HDAC9: variants seen among roughly 807,000 people sequenced by gnomAD.
The protein encoded by HDAC9 is histone deacetylase 9, also known as MEF-2 interacting transcription repressor (MITR) protein.
A neutral mutation model predicts 139.4 loss-of-function variants in HDAC9; 41 were observed. The observed-to-expected ratio is 0.29, with a 90% CI of 0.23 to 0.38. The LOEUF (loss-of-function observed/expected upper bound fraction) is 0.38, where lower values mean the gene tolerates loss of function less well. Ranked by LOEUF, HDAC9 falls within the 10% of genes least tolerant of loss-of-function variation. The pLI, the probability that HDAC9 is intolerant of heterozygous loss-of-function variation, is 1.00. For missense variants in HDAC9, 1,147 were observed against 1,297.0 expected, an observed-to-expected ratio of 0.88 and a Z score of 1.78; for synonymous variants, 517 against 476.2, an observed-to-expected ratio of 1.09 and a Z score of -1.12.
In HDAC9 at chr7:19,002,083, T is replaced by C. The variant is rs2129358781; in HGVS notation, c.*6021T>C. The C allele has an allele frequency of 6.6e-6, 1 of 152,264 alleles. No homozygotes were observed. Among genetic ancestry groups the C allele is most frequent in the Middle Eastern group, 3.4e-3 (1 of 294 alleles). The allele number at this position is 152,264 out of a possible 1,614,324, so 9.4% of individuals were successfully genotyped here. ...TTTTTTGGCTAGCATCACCAAGATC[T>C]GTCATCCAGAGCTGCTGAGAAAAAT... On this transcript the variant is annotated 3_prime_UTR_variant, in exon 26 of 26. Coordinates refer to ENST00000686413, the MANE Select transcript of HDAC9 (RefSeq NM_178425.4).
intron 2 of HDAC9, among the ~76,000 whole-genome samples, chr7:18,504,855 G>A (rs535951879): frequency 1.3e-4 from 20 of 152,282 alleles, no homozygotes; most frequent in South Asian, 1.0e-3. Context: ...TGGCAGGGTC[G>A]TGTTTAAATG....
intron 3 of HDAC9, among the ~76,000 whole-genome samples, chr7:18,589,775 A>G (rs936789768): frequency 2.0e-5 from 3 of 152,338 alleles, no homozygotes; most frequent in South Asian, 2.1e-4. Flanking sequence ...TATATTCTAC[A>G]TATTATGAAT....
rs536226416 is a variant in HDAC9 at position 18,647,345 on chromosome 7, CTT to C, written c.1036-439_1036-438del. On this transcript the variant is annotated intron_variant, in intron 9 of 25. Transcript: ENST00000686413. ...GACATATGTATACATCGTAGAGTGA[CTT>C]AAGCTAATTAACATATGCATTGTCT... Among the ~76,000 whole-genome samples, 20 of 152,180 alleles carry C rather than the reference CTT, an allele frequency of 1.3e-4. No homozygotes were observed. The East Asian group carries it at 3.5e-3, about 26-fold the overall frequency.
At position 18,666,288 on chromosome 7, in the gene HDAC9, G is replaced by T; in HGVS notation, c.1543G>T (p.Asp515Tyr). Residue 515 changes from aspartate to tyrosine, a missense_variant, in exon 12 of 26, where the codon GAC becomes TAC. By Grantham distance (160) the Asp-to-Tyr change is radical. Coordinates refer to ENST00000686413, the MANE Select transcript of HDAC9 (RefSeq NM_178425.4). ...LEEAEEELQG[D>Y]QAMQEDRAPS... ...GGAAGCAGAGGAAGAGCTTCAGGGG[G>T]ACCAGGCGATGCAGGAAGACAGAGC... 1.9e-6 allele frequency: 3 copies of T among 1,613,464 alleles called. No homozygotes were observed. Among genetic ancestry groups the T allele is most frequent in the African/African-American group, 2.7e-5 (2 of 74,986 alleles).
At chr7:18,868,350 T>C (rs1305000493) in intron 21 of HDAC9, among the ~76,000 whole-genome samples, 1 of 152,220 alleles carries the variant, frequency 6.6e-6, no homozygotes, top group Non-Finnish European at 1.5e-5. Flanking sequence ...AGTCCCAGTA[T>C]CTACATTAGA....
At chr7:18,439,809 ATC>A (rs540270051) in intron 1 of HDAC9, among the ~76,000 whole-genome samples, 29 of 151,142 alleles carry the variant, frequency 1.9e-4, no homozygotes, top group African/African-American at 6.3e-4. Context: ...ACACATTCAA[ATC>A]TCTCTCTCTC....
intron 22 of HDAC9, among the ~76,000 whole-genome samples, chr7:18,932,848 A>AAAAAGAAAGAAAGAAAG (rs1554405267): frequency 7.2e-6 from 1 of 138,204 alleles, no homozygotes; most frequent in Non-Finnish European, 1.5e-5. Context: ...AGGAAGGAAA[A>AAAAAGAAAGAAAGAAAG]AAAGAAAGAA....
At chr7:18,207,539 C>CTTTTTTTTTGTTTTTTTTTTTTT (rs1791616531) in intron 2 of HDAC9, among the ~76,000 whole-genome samples, 1 of 53,730 alleles carries the variant, frequency 1.9e-5, no homozygotes, top group African/African-American at 7.8e-5. Context: ...CCCAAGGAGT[C>CTTTTTTTTTGTTTTTTTTTTTTT]TTTTTTTTTT....
At chr7:18,914,457 A>G (rs1307511673) in intron 22 of HDAC9, among the ~76,000 whole-genome samples, 1 of 151,982 alleles carries the variant, frequency 6.6e-6, no homozygotes, top group Non-Finnish European at 1.5e-5. Context: ...AGACATAAGT[A>G]ACCCCCATAG....
chr7:18,311,076 C>A (rs1006963465), intron 1 of HDAC9, among the ~76,000 whole-genome samples: 3 of 143,120 alleles, frequency 2.1e-5, no homozygotes, highest in Non-Finnish European at 4.6e-5. Context: ...TTGTTTACCT[C>A]TCAGTTCTGG....
chr7:18,947,827 T>C (rs1002651466), intron 23 of HDAC9, among the ~76,000 whole-genome samples: 1 of 151,964 alleles, frequency 6.6e-6, no homozygotes, highest in Non-Finnish European at 1.5e-5. Context: ...AGAGAATATT[T>C]CTCATAGTCA....
intron 1 of HDAC9, among the ~76,000 whole-genome samples, chr7:18,122,948 T>G (rs1391903749): frequency 2.6e-5 from 4 of 152,090 alleles, no homozygotes; most frequent in Non-Finnish European, 5.9e-5. Context: ...TCTGCTAGGG[T>G]TTTTTTCTTT....
At chr7:18,242,869 A>G (rs1288145202) in intron 2 of HDAC9, among the ~76,000 whole-genome samples, 1 of 152,214 alleles carries the variant, frequency 6.6e-6, no homozygotes, top group African/African-American at 2.4e-5. Flanking sequence ...CTAGAAAAAA[A>G]ATATTTTTAT....
intron 1 of HDAC9, among the ~76,000 whole-genome samples, chr7:18,343,674 G>A (rs186469575): frequency 2.2e-3 from 333 of 151,832 alleles, no homozygotes; most frequent in Non-Finnish European, 3.6e-3. Flanking sequence ...TTTCTACCTT[G>A]GATCTAACTA....
At chr7:18,192,951 A>G (rs1790459410) in intron 2 of HDAC9, among the ~76,000 whole-genome samples, 1 of 152,216 alleles carries the variant, frequency 6.6e-6, no homozygotes, top group South Asian at 2.1e-4. Flanking sequence ...GAGGAAACTG[A>G]AAGAGGCTGA....
intron 17 of HDAC9, 22 bp from the exon 18 acceptor site, chr7:18,829,139 A>G (rs755008394): frequency 1.3e-6 from 2 of 1,595,108 alleles, no homozygotes; most frequent in Non-Finnish European, 1.7e-6. Context: ...CTGACCATTG[A>G]AAACCTGTCT....
rs146764998 is a variant in HDAC9, at chr7:18,161,584, T to G, written c.-96-645T>G. 2.1e-3 allele frequency among the ~76,000 whole-genome samples: 323 copies of G among 152,298 alleles called. 1 individual carries two copies. Among genetic ancestry groups the G allele is most frequent in the African/African-American group, 7.3e-3 (303 of 41,572 alleles). ...CTAAGTGTCTAGAAGTGGAAGTACA[T>G]TAAAATTAAAAGCAGAAAGTCCCTT... On this transcript the variant is annotated intron_variant, in intron 1 of 12. Coordinates refer to the HDAC9 transcript ENST00000417496.
chr7:18,192,124 C>CA (rs1554327917), intron 2 of HDAC9, among the ~76,000 whole-genome samples: 7 of 151,960 alleles, frequency 4.6e-5, no homozygotes, highest in East Asian at 1.9e-4. Flanking sequence ...GGCCGGGGGG[C>CA]GGGGGGGTGT....
At chr7:18,478,445 A>G (rs1795297612) in intron 1 of HDAC9, among the ~76,000 whole-genome samples, 1 of 152,222 alleles carries the variant, frequency 6.6e-6, no homozygotes, top group African/African-American at 2.4e-5. Flanking sequence ...TGGGCTGCGC[A>G]TTATTAGCTC....
Sources: allele counts gnomAD v4.1 joint callset (sites outside exome capture counted in the v4.1 genomes callset), GRCh38; gene constraint gnomAD v4.1.1; transcripts MANE v1.5; gene names NCBI Gene and HGNC (gene_info 2026-07-23, HGNC 2026-07-21).